Variants in SLC16A7 observed in about 807,000 individuals in gnomAD.
SLC16A7 encodes solute carrier family 16 member 7, also known as monocarboxylate transporter 2.
A neutral mutation model predicts 34.9 loss-of-function variants in SLC16A7; 33 were observed. The ratio of observed to expected loss-of-function variants is 0.94; its 90% CI spans 0.72 to 1.26. SLC16A7 has a LOEUF of 1.26. Ranked by LOEUF, SLC16A7 falls within the 50% of genes most tolerant of loss-of-function variation. The pLI, the probability that SLC16A7 is intolerant of heterozygous loss-of-function variation, is 0.00. For missense variants in SLC16A7, 573 were observed against 578.1 expected (o/e 0.99, Z 0.09); for synonymous variants, 201 against 206.6 (o/e 0.97, Z 0.23).
rs201957610 is a variant in SLC16A7, at chr12:59,662,015, G to GA, written c.-31+6773dup. 2.8e-5 allele frequency among the ~76,000 whole-genome samples: 4 copies of GA among 144,332 alleles called. No homozygotes were observed. The South Asian group carries it at 6.7e-4, about 24-fold the overall frequency. 94.7% of individuals were successfully genotyped at this position (144,332 alleles called of 152,430 possible). ...TGGTACTCTTTCCAGGAAAAGAATA[G>GA]AAAAAAAATTGTACCCAGATGAGAA... On this transcript the variant is annotated intron_variant, in intron 2 of 5. Coordinates refer to ENST00000547379, the MANE Select transcript of SLC16A7 (RefSeq NM_001270623.2).
chr12:59,693,808 G>GA (rs1449430330), intron 2 of SLC16A7, among the ~76,000 whole-genome samples: 3 of 151,714 alleles, frequency 2.0e-5, no homozygotes, highest in Non-Finnish European at 2.9e-5. Context: ...ATTTTATGCA[G>GA]AAAAAGTTAG....
intron 1 of SLC16A7, among the ~76,000 whole-genome samples, chr12:59,636,744 A>G (rs1332392616): frequency 1.3e-5 from 2 of 152,156 alleles, no homozygotes; most frequent in Non-Finnish European, 2.9e-5. Context: ...GAGATATATG[A>G]TGAATTTGAT....
chr12:59,743,652 A>C (rs540224188), intron 3 of SLC16A7, among the ~76,000 whole-genome samples: 118 of 152,324 alleles, frequency 7.7e-4, no homozygotes, highest in African/African-American at 2.8e-3. Context: ...ATTTTTATTA[A>C]ACAAATTAAA....
intron 3 of SLC16A7, among the ~76,000 whole-genome samples, chr12:59,739,776 G>T (rs986153915): frequency 2.6e-5 from 4 of 152,126 alleles, no homozygotes; most frequent in African/African-American, 9.7e-5. Flanking sequence ...GTTTAGATTT[G>T]CATTTCTCTG....
At chr12:59,604,526 T>A (rs1878843489) in intron 1 of SLC16A7, among the ~76,000 whole-genome samples, 1 of 152,226 alleles carries the variant, frequency 6.6e-6, no homozygotes, top group East Asian at 1.9e-4. Flanking sequence ...ACCAAATAAG[T>A]GGCTATTAAG....
chr12:59,754,180 CAT>C (rs1879976879), intron 3 of SLC16A7, among the ~76,000 whole-genome samples: 2 of 152,234 alleles, frequency 1.3e-5, no homozygotes, highest in Admixed American at 1.3e-4. Context: ...GACACCCTAA[CAT>C]ATCAATTAAA....
chr12:59,611,129 C>T (rs1309079227), intron 1 of SLC16A7, among the ~76,000 whole-genome samples: 1 of 152,200 alleles, frequency 6.6e-6, no homozygotes, highest in Non-Finnish European at 1.5e-5. Flanking sequence ...AGGACTCAAT[C>T]ATCTCCTGTA....
chr12:59,650,589 T>A (rs891316074), intron 1 of SLC16A7, among the ~76,000 whole-genome samples: 3 of 152,156 alleles, frequency 2.0e-5, no homozygotes, highest in Non-Finnish European at 4.4e-5. Flanking sequence ...CTTTTAGATA[T>A]CTTTGACTAT....
rs1481733573 is a variant in SLC16A7, at chr12:59,781,549, A to G, written c.*1870A>G. On this transcript the variant is annotated 3_prime_UTR_variant, in exon 6 of 6. Transcript: ENST00000547379. ...AACATTTGCTCTTTTGCATATGAAG[A>G]GATATTTGTATTTTTCAAATGTTAA... The G allele has an allele frequency of 1.3e-5, 2 of 152,608 alleles. No individual in the cohort carries two copies. The highest frequency in any genetic ancestry group is 2.9e-5 in the Non-Finnish European group (2 of 68,024). The allele number at this position is 152,608 out of a possible 1,614,324, so 9.5% of individuals were successfully genotyped here.
intron 2 of SLC16A7, among the ~76,000 whole-genome samples, chr12:59,674,859 G>A (rs1482535979): frequency 3.3e-5 from 5 of 152,150 alleles, no homozygotes; most frequent in East Asian, 1.9e-4. Flanking sequence ...TGATATTCTC[G>A]TATCCCAGAT....
At chr12:59,676,850 T>C (rs955006341) in intron 2 of SLC16A7, among the ~76,000 whole-genome samples, 14 of 152,120 alleles carry the variant, frequency 9.2e-5, no homozygotes, top group Admixed American at 8.5e-4. Context: ...AAATCTTTCA[T>C]TAAATGCAAA....
intron 3 of SLC16A7, among the ~76,000 whole-genome samples, chr12:59,731,161 C>T (rs2706313): frequency 0.12 from 18,654 of 152,004 alleles, 1,492 homozygotes; most frequent in African/African-American, 0.22. Flanking sequence ...TATGTATATA[C>T]TTTTTAACTT....
intron 1 of SLC16A7, among the ~76,000 whole-genome samples, chr12:59,609,999 T>C (rs2136965603): frequency 6.6e-6 from 1 of 152,302 alleles, no homozygotes; most frequent in African/African-American, 2.4e-5. Context: ...CCTCAGCATC[T>C]CTATTACCTG....
At chr12:59,608,173 T>A (rs1268076550) in intron 1 of SLC16A7, among the ~76,000 whole-genome samples, 1 of 152,212 alleles carries the variant, frequency 6.6e-6, no homozygotes, top group East Asian at 1.9e-4. Flanking sequence ...TGCCCACAAC[T>A]CTTTTTCTCT....
intron 2 of SLC16A7, among the ~76,000 whole-genome samples, chr12:59,669,784 G>T (rs534310787): frequency 2.6e-5 from 4 of 152,234 alleles, no homozygotes; most frequent in African/African-American, 9.6e-5. Flanking sequence ...CAGCAGCACA[G>T]TTAACTTGCT....
At chr12:59,669,684 A>ACACACACACACACACACACC (rs1869514662) in intron 2 of SLC16A7, among the ~76,000 whole-genome samples, 1 of 151,496 alleles carries the variant, frequency 6.6e-6, no homozygotes, top group African/African-American at 2.4e-5. Flanking sequence ...ACACACACAC[A>ACACACACACACACACACACC]CGATTTATCT....
intron 1 of SLC16A7, among the ~76,000 whole-genome samples, chr12:59,617,386 G>C (rs1254408889): frequency 6.6e-6 from 1 of 151,970 alleles, no homozygotes; most frequent in Non-Finnish European, 1.5e-5. Context: ...TGTGATTATT[G>C]ATGCCATTTT....
chr12:59,681,599 G>A (rs1209447817), intron 2 of SLC16A7, among the ~76,000 whole-genome samples: 1 of 152,160 alleles, frequency 6.6e-6, no homozygotes, highest in African/African-American at 2.4e-5. Flanking sequence ...ATCCCTACAA[G>A]TTAGAGAGAT....
chr12:59,720,213 G>A (rs1875411265), intron 3 of SLC16A7: 1 of 604,464 alleles, frequency 1.7e-6, no homozygotes, highest in Non-Finnish European at 2.9e-6. Context: ...ATTGTTAATT[G>A]TTACTTATGT....
Sources: gnomAD v4.1 joint callset for allele counts (sites outside exome capture counted in the v4.1 genomes callset) on GRCh38, gnomAD v4.1.1 for gene constraint, MANE v1.5 for transcripts, NCBI Gene and HGNC (gene_info 2026-07-23, HGNC 2026-07-21) for gene names.